The following CDH13 variants were observed in gnomAD, a reference collection of about 807,000 sequenced individuals.
The protein encoded by CDH13 is cadherin 13, also known as cadherin-13.
In CDH13, 24 loss-of-function variants were observed where a neutral mutation model predicts 63.8. The ratio of observed to expected loss-of-function variants is 0.38; its 90% confidence interval spans 0.27 to 0.53. CDH13 has a LOEUF of 0.53. Ranked by LOEUF, CDH13 falls within the 20% of genes least tolerant of loss-of-function variation. CDH13 has a pLI of 0.85. For synonymous variants in CDH13, 503 were observed against 355.3 expected (o/e 1.42, Z -4.67); for missense variants, 1,049 against 903.1 (o/e 1.16, Z -2.07).
At chr16:83,405,610 T>C (rs1474512085) in intron 6 of CDH13, among the ~76,000 whole-genome samples, 1 of 152,202 alleles carries the variant, frequency 6.6e-6, no homozygotes, top group East Asian at 1.9e-4. Flanking sequence ...AGAGAATACA[T>C]TTGTGTTGTT....
chr16:82,865,359 C>T (rs556373035), intron 2 of CDH13, among the ~76,000 whole-genome samples: 1 of 152,238 alleles, frequency 6.6e-6, no homozygotes, highest in African/African-American at 2.4e-5. Flanking sequence ...AGGGCTCTGC[C>T]TCTGCAACAA....
At chr16:83,450,168 C>T (rs547324874) in intron 6 of CDH13, among the ~76,000 whole-genome samples, 37 of 152,302 alleles carry the variant, frequency 2.4e-4, no homozygotes, top group African/African-American at 7.7e-4. Context: ...GGAGAAAGTG[C>T]ACATTCCCAG....
At chr16:83,536,516 A>T (rs60144790) in intron 7 of CDH13, among the ~76,000 whole-genome samples, 2 of 152,128 alleles carry the variant, frequency 1.3e-5, no homozygotes, top group Non-Finnish European at 2.9e-5. Flanking sequence ...GTGTGGGTGT[A>T]GATAAGGCTG....
chr16:82,720,545 A>T (rs950214680), intron 1 of CDH13, among the ~76,000 whole-genome samples: 2 of 152,140 alleles, frequency 1.3e-5, no homozygotes, highest in African/African-American at 2.4e-5. Flanking sequence ...GGGGCAATTT[A>T]GATGTGACAG....
At chr16:83,138,642 C>T (rs2036400470) in intron 4 of CDH13, among the ~76,000 whole-genome samples, 1 of 152,140 alleles carries the variant, frequency 6.6e-6, no homozygotes, top group Non-Finnish European at 1.5e-5. Context: ...GTAAAAACTA[C>T]TGTATGGAAT....
chr16:83,461,331 AT>A (rs1489831169), intron 6 of CDH13, among the ~76,000 whole-genome samples: 1 of 152,136 alleles, frequency 6.6e-6, no homozygotes, highest in Non-Finnish European at 1.5e-5. Context: ...CTCATTCAAC[AT>A]TTTTATCAAT....
chr16:83,122,936 C>G (rs779568758), intron 3 of CDH13, among the ~76,000 whole-genome samples: 2 of 152,110 alleles, frequency 1.3e-5, no homozygotes, highest in African/African-American at 4.8e-5. Flanking sequence ...TCCCACCCTC[C>G]CACTTTCCGA....
At chr16:83,505,475 T>A (rs2074374353) in intron 7 of CDH13, among the ~76,000 whole-genome samples, 1 of 151,240 alleles carries the variant, frequency 6.6e-6, no homozygotes, top group African/African-American at 2.4e-5. Context: ...ACACATTTAG[T>A]AAACTCTGCC....
intron 6 of CDH13, among the ~76,000 whole-genome samples, chr16:83,426,951 C>A (rs1344906507): frequency 1.9e-5 from 2 of 105,336 alleles, no homozygotes; most frequent in Admixed American, 2.9e-4. Flanking sequence ...AAGACGGAGT[C>A]TCGCTTGCTC....
intron 4 of CDH13, among the ~76,000 whole-genome samples, chr16:83,174,219 T>C (rs910583096): frequency 2.0e-5 from 3 of 152,080 alleles, no homozygotes; most frequent in Non-Finnish European, 2.9e-5. Context: ...GTCAAATCAA[T>C]TGAACATATC....
At chr16:83,289,128 C>CA (rs2089402468) in intron 5 of CDH13, among the ~76,000 whole-genome samples, 1 of 152,060 alleles carries the variant, frequency 6.6e-6, no homozygotes, top group Non-Finnish European at 1.5e-5. Flanking sequence ...CTACAAGAAC[C>CA]AAAAAAGACA....
chr16:83,420,186 C>G (rs1301356346), intron 6 of CDH13, among the ~76,000 whole-genome samples: 1 of 152,180 alleles, frequency 6.6e-6, no homozygotes, highest in Non-Finnish European at 1.5e-5. Flanking sequence ...TGATCCTACT[C>G]TCAAGGAACT....
chr16:82,699,291 T>A lies in CDH13; in HGVS notation c.45+72154T>A, dbSNP rs1406879474. ...GGTTGCCCTGCCAAGGACAGCTGCT[T>A]GTGTCCTCTGCCTCTGAGAACTAAG... On this transcript the variant is annotated intron_variant, in intron 1 of 13. Transcript: ENST00000567109. Among the ~76,000 whole-genome samples, 8 of 152,266 alleles carry A rather than the reference T, an allele frequency of 5.3e-5. No homozygotes were observed. The East Asian group carries it at 1.5e-3, about 29-fold the overall frequency.
chr16:83,062,527 A>T (rs946115792), intron 3 of CDH13, among the ~76,000 whole-genome samples: 3 of 152,180 alleles, frequency 2.0e-5, no homozygotes, highest in Non-Finnish European at 4.4e-5. Context: ...GGATCATGAG[A>T]TACAGAGTGA....
At chr16:83,515,547 G>A (rs766461096) in intron 7 of CDH13, among the ~76,000 whole-genome samples, 4 of 152,140 alleles carry the variant, frequency 2.6e-5, no homozygotes, top group Non-Finnish European at 5.9e-5. Flanking sequence ...AAAAGATACT[G>A]GTTTAGATTC....
intron 10 of CDH13, among the ~76,000 whole-genome samples, chr16:83,744,029 C>T (rs1039295105): frequency 4.6e-5 from 7 of 152,046 alleles, no homozygotes; most frequent in Non-Finnish European, 7.4e-5. Flanking sequence ...TCTTGGTTAC[C>T]TCAACCTTAA....
intron 4 of CDH13, among the ~76,000 whole-genome samples, chr16:83,158,825 C>T (rs866974592): frequency 6.6e-6 from 1 of 152,208 alleles, no homozygotes; most frequent in Non-Finnish European, 1.5e-5. Flanking sequence ...CCAGGAAGGG[C>T]GGCGGGGTGG....
intron 1 of CDH13, among the ~76,000 whole-genome samples, chr16:82,706,050 C>T (rs1003697387): frequency 2.0e-5 from 3 of 152,040 alleles, no homozygotes; most frequent in Non-Finnish European, 2.9e-5. Context: ...CTCCCTTCTT[C>T]CCTTCTTCCT....
At chr16:83,429,326 C>G (rs1420380655) in intron 6 of CDH13, among the ~76,000 whole-genome samples, 1 of 152,176 alleles carries the variant, frequency 6.6e-6, no homozygotes, top group South Asian at 2.1e-4. Context: ...TCATGAGGTA[C>G]AGGGGACTTA....
Sources: gnomAD v4.1 joint callset for allele counts (sites outside exome capture counted in the v4.1 genomes callset) on GRCh38, gnomAD v4.1.1 for gene constraint, MANE v1.5 for transcripts, NCBI Gene and HGNC (gene_info 2026-07-23, HGNC 2026-07-21) for gene names.